MARCHF1: variants seen among roughly 807,000 people sequenced by gnomAD.
The protein encoded by MARCHF1 is E3 ubiquitin-protein ligase MARCHF1.
A neutral mutation model predicts 54.2 loss-of-function variants in MARCHF1; 40 were observed. That is an observed-to-expected ratio of 0.74 (90% CI 0.57 to 0.96). The LOEUF is 0.96. Among genes scored for constraint, MARCHF1 ranks in the 40% least tolerant of loss-of-function variants. MARCHF1 has a pLI of 0.00. For missense variants in MARCHF1, 586 were observed against 656.5 expected (o/e 0.89, Z 1.17); for synonymous variants, 236 against 236.3 (o/e 1.00, Z 0.01).
rs377589368 is a variant in MARCHF1 at position 164,309,565 on chromosome 4, T to C, written c.-323+74305A>G. 5.9e-5 allele frequency among the ~76,000 whole-genome samples: 9 copies of C among 152,180 alleles called. No individual in the cohort carries two copies. In the East Asian group the frequency reaches 9.6e-4, roughly 16 times the overall value. ...AGAAGTGGCTGTGGTGGCATCATGATTTTTATTAATCACTGAAAGATGACT... is the reference window on the plus strand; with the variant it reads ...AGAAGTGGCTGTGGTGGCATCATGACTTTTATTAATCACTGAAAGATGACT... On this transcript the variant is annotated intron_variant, in intron 1 of 9. Transcript: ENST00000514618.
At chr4:164,176,111 C>T (rs1412729126) in intron 1 of MARCHF1, among the ~76,000 whole-genome samples, 2 of 152,126 alleles carry the variant, frequency 1.3e-5, no homozygotes, top group Admixed American at 1.3e-4. Flanking sequence ...TTTCCAAAGA[C>T]CTTTGAATAT....
At chr4:163,720,948 C>T (rs182697069) in intron 4 of MARCHF1, among the ~76,000 whole-genome samples, 65 of 152,116 alleles carry the variant, frequency 4.3e-4, no homozygotes, top group African/African-American at 1.5e-3. Flanking sequence ...TGGGGTTTTC[C>T]AAATATACAA....
At chr4:163,566,317 T>A (rs1283268622) in intron 8 of MARCHF1, among the ~76,000 whole-genome samples, 1 of 152,202 alleles carries the variant, frequency 6.6e-6, no homozygotes, top group African/African-American at 2.4e-5. Context: ...TGCTTTTGTC[T>A]TTCCTGACTT....
At chr4:164,052,826 G>A (rs1159712489) in intron 2 of MARCHF1, among the ~76,000 whole-genome samples, 1 of 152,050 alleles carries the variant, frequency 6.6e-6, no homozygotes, top group East Asian at 1.9e-4. Context: ...ACTAATCATG[G>A]CTAAAAAGTA....
chr4:164,086,617 T>C (rs1200357698), intron 2 of MARCHF1, among the ~76,000 whole-genome samples: 1 of 151,962 alleles, frequency 6.6e-6, no homozygotes, highest in African/African-American at 2.4e-5. Flanking sequence ...ATATCCAAAA[T>C]TGGTAGAGTT....
At chr4:163,926,507 T>C (rs1175737835) in intron 3 of MARCHF1, among the ~76,000 whole-genome samples, 3 of 151,616 alleles carry the variant, frequency 2.0e-5, no homozygotes, top group African/African-American at 7.2e-5. Flanking sequence ...TACATAGTAA[T>C]GGAATTTCTG....
Position 163,919,417 on chromosome 4 carries a change from TAA to T in MARCHF1, c.-38-65250_-38-65249del, listed in dbSNP as rs1242672220. On this transcript the variant is annotated intron_variant, in intron 3 of 9. Transcript: ENST00000514618. ...ACTTGAAATATTGCACTGAAAATTA[TAA>T]GTTAACAAAAAGTTAAAATTGTATC... Among the ~76,000 whole-genome samples, 8 of 152,044 alleles carry T rather than the reference TAA, an allele frequency of 5.3e-5. No homozygotes were observed. In the South Asian group the frequency reaches 8.3e-4, roughly 16 times the overall value.
chr4:164,081,207 CAAAA>C (rs60753810), intron 2 of MARCHF1, among the ~76,000 whole-genome samples: 15 of 18,404 alleles, frequency 8.2e-4, no homozygotes, highest in Admixed American at 1.3e-3. Context: ...GACGCTGTCT[CAAAA>C]AAAAAAAAAA....
intron 1 of MARCHF1, among the ~76,000 whole-genome samples, chr4:164,350,822 G>T (rs1257621243): frequency 3.3e-5 from 5 of 151,864 alleles, no homozygotes; most frequent in Admixed American, 6.6e-5. Flanking sequence ...CGCAGAAGAT[G>T]GGTGATTTCT....
chr4:163,929,965 T>TA (rs1751628771), intron 3 of MARCHF1, among the ~76,000 whole-genome samples: 1 of 62,660 alleles, frequency 1.6e-5, no homozygotes, highest in African/African-American at 1.0e-4. Flanking sequence ...TTATATATAA[T>TA]ATATATAATA....
chr4:163,932,613 G>A (rs1751701430), intron 3 of MARCHF1: 2 of 407,606 alleles, frequency 4.9e-6, no homozygotes, highest in South Asian at 4.0e-5. Context: ...GACCAAGCAG[G>A]GCACCGAGCT....
rs141532960 is a variant in MARCHF1, at chr4:164,134,816, A to G, written c.-322-23154T>C. Among the ~76,000 whole-genome samples the G allele has an allele frequency of 5.9e-3, 898 of 151,262 alleles. 9 individuals carry two copies. The highest frequency in any genetic ancestry group is 0.021 in the African/African-American group (855 of 41,270). ...ATACGAGATTCAAAGCACAAAAACAAGTATTATGGAGTCTGTCAGAGAATC... is the reference window on the plus strand; with the variant it reads ...ATACGAGATTCAAAGCACAAAAACAGGTATTATGGAGTCTGTCAGAGAATC... On this transcript the variant is annotated intron_variant, in intron 1 of 9. Coordinates refer to ENST00000514618, the MANE Select transcript of MARCHF1 (RefSeq NM_001394959.1).
At chr4:164,096,470 G>C (rs1230856757) in intron 2 of MARCHF1, among the ~76,000 whole-genome samples, 1 of 151,966 alleles carries the variant, frequency 6.6e-6, no homozygotes, top group African/African-American at 2.4e-5. Flanking sequence ...TTGGTACTAT[G>C]TTCATTATCT....
At chr4:163,627,715 C>A (rs961890290) in intron 5 of MARCHF1, among the ~76,000 whole-genome samples, 4 of 151,888 alleles carry the variant, frequency 2.6e-5, no homozygotes, top group African/African-American at 4.8e-5. Context: ...TTATAATGCA[C>A]TAAAACCATA....
chr4:164,215,124 T>C (rs191537009), intron 1 of MARCHF1, among the ~76,000 whole-genome samples: 120 of 152,268 alleles, frequency 7.9e-4, no homozygotes, highest in Non-Finnish European at 1.3e-3. Context: ...TATCCTGGGG[T>C]TCTTTCCTTG....
intron 3 of MARCHF1, among the ~76,000 whole-genome samples, chr4:163,858,996 A>C (rs1749846698): frequency 6.6e-6 from 1 of 152,118 alleles, no homozygotes; most frequent in Non-Finnish European, 1.5e-5. Context: ...AAATGGAGAG[A>C]GATGTTCATA....
chr4:164,168,871 T>C (rs1730450565), intron 1 of MARCHF1, among the ~76,000 whole-genome samples: 1 of 152,090 alleles, frequency 6.6e-6, no homozygotes, highest in African/African-American at 2.4e-5. Flanking sequence ...TTATGTTATA[T>C]GTACTGTACA....
intron 4 of MARCHF1, among the ~76,000 whole-genome samples, chr4:163,711,777 A>G (rs1211017932): frequency 6.6e-6 from 1 of 152,168 alleles, no homozygotes; most frequent in Admixed American, 6.5e-5. Flanking sequence ...GTATACAACT[A>G]TCTCTTATAT....
intron 1 of MARCHF1, among the ~76,000 whole-genome samples, chr4:164,376,717 C>T (rs572674809): frequency 2.0e-5 from 3 of 152,180 alleles, no homozygotes; most frequent in East Asian, 3.9e-4. Flanking sequence ...GCATGGACCA[C>T]GGTCAGAAGC....
Sources: gnomAD v4.1 joint callset for allele counts (sites outside exome capture counted in the v4.1 genomes callset) on GRCh38, gnomAD v4.1.1 for gene constraint, MANE v1.5 for transcripts, NCBI Gene and HGNC (gene_info 2026-07-23, HGNC 2026-07-21) for gene names.